Variants in IL23R observed in about 807,000 individuals in gnomAD.
IL23R encodes the protein interleukin 23 receptor.
A neutral mutation model predicts 56.9 loss-of-function variants in IL23R; 34 were observed. That is an observed-to-expected ratio of 0.60 (90% CI 0.45 to 0.80). The LOEUF is 0.80. Ranked by LOEUF, IL23R falls within the 30% of genes least tolerant of loss-of-function variation. The pLI is 0.00. For synonymous variants in IL23R, 230 were observed against 249.2 expected (o/e 0.92, Z 0.73); for missense variants, 635 against 730.0 (o/e 0.87, Z 1.50).
At chr1:67,234,223 G>A (rs931922978) in intron 7 of IL23R, among the ~76,000 whole-genome samples, 3 of 152,202 alleles carry the variant, frequency 2.0e-5, no homozygotes, top group African/African-American at 7.2e-5. Flanking sequence ...ACATAGCTTT[G>A]TTTCAGTCCT....
chr1:67,264,006 C>T (rs1351596577), downstream of IL23R, among the ~76,000 whole-genome samples: 3 of 152,212 alleles, frequency 2.0e-5, no homozygotes, highest in Non-Finnish European at 4.4e-5. Flanking sequence ...TCTGAAGCAA[C>T]ATGAAAAGCT....
chr1:67,176,867 T>G (rs151276759), intron 3 of IL23R, among the ~76,000 whole-genome samples: 1 of 152,194 alleles, frequency 6.6e-6, no homozygotes, highest in East Asian at 1.9e-4. Context: ...TTCCCACCTA[T>G]GAGTGAGAAC....
chr1:67,142,622 A>G (rs1646648189), intron 1 of IL23R, among the ~76,000 whole-genome samples: 1 of 152,102 alleles, frequency 6.6e-6, no homozygotes, highest in Non-Finnish European at 1.5e-5. Flanking sequence ...CTGGAGTGCA[A>G]TGGTATGATC....
At chr1:67,218,209 A>T (rs1288718283) in intron 6 of IL23R, among the ~76,000 whole-genome samples, 1 of 151,784 alleles carries the variant, frequency 6.6e-6, no homozygotes, top group Non-Finnish European at 1.5e-5. Flanking sequence ...TATTTTCTTT[A>T]TCCTCCATTG....
At chr1:67,166,889 C>T (rs760668135) in intron 1 of IL23R, among the ~76,000 whole-genome samples, 8 of 152,008 alleles carry the variant, frequency 5.3e-5, no homozygotes, top group Non-Finnish European at 8.8e-5. Context: ...TATGATGAGC[C>T]ATGCATTGCG....
At chr1:67,229,621 C>G (rs984047628) in intron 7 of IL23R, among the ~76,000 whole-genome samples, 2 of 152,188 alleles carry the variant, frequency 1.3e-5, no homozygotes, top group African/African-American at 2.4e-5. Flanking sequence ...TCTGAACAAC[C>G]CCCATCCTGA....
Position 67,182,965 on chromosome 1 carries a change from T to A in IL23R, c.491+6T>A, listed in dbSNP as rs1647173832. On this transcript the variant is annotated splice_donor_region_variant and intron_variant, in intron 4 of 10. Coordinates refer to ENST00000347310, the MANE Select transcript of IL23R (RefSeq NM_144701.3). Reference sequence around the variant, plus strand: ...TACGTGGTACATGTGAAGAGGTAGGTCACTTCCTCACGGCTTCATATAAGC... The same window carrying A: ...TACGTGGTACATGTGAAGAGGTAGGACACTTCCTCACGGCTTCATATAAGC... The A allele has an allele frequency of 6.2e-7, 1 of 1,613,658 alleles. No individual in the cohort carries two copies. Among genetic ancestry groups the A allele is most frequent in the South Asian group, 1.1e-5 (1 of 91,084 alleles).
intron 9 of IL23R, among the ~76,000 whole-genome samples, chr1:67,246,143 G>T (rs2100350326): frequency 6.6e-6 from 1 of 152,294 alleles, no homozygotes; most frequent in South Asian, 2.1e-4. Context: ...ATTTCTGTGG[G>T]ATTGGTGGTG....
intron 9 of IL23R, among the ~76,000 whole-genome samples, chr1:67,252,062 T>C (rs1308517219): frequency 6.6e-6 from 1 of 152,150 alleles, no homozygotes; most frequent in Non-Finnish European, 1.5e-5. Context: ...ATTTGGAATG[T>C]TCCATTGTAA....
At chr1:67,201,318 G>T (rs766735372) in intron 5 of IL23R, among the ~76,000 whole-genome samples, 34 of 151,222 alleles carry the variant, frequency 2.2e-4, no homozygotes, top group Non-Finnish European at 4.6e-4. Context: ...TGAGGCAGGA[G>T]AATTGCTTGA....
At chr1:67,260,349 T>A (rs932910076), downstream of IL23R, among the ~76,000 whole-genome samples, 1 of 152,228 alleles carries the variant, frequency 6.6e-6, no homozygotes, top group African/African-American at 2.4e-5. Context: ...CAGCAAGACG[T>A]AATTTTTTGT....
chr1:67,222,062 C>T (rs553274864), intron 7 of IL23R, among the ~76,000 whole-genome samples: 3 of 144,544 alleles, frequency 2.1e-5, no homozygotes, highest in African/African-American at 7.6e-5. Flanking sequence ...AATGAAGAAA[C>T]AACTTATTAG....
chr1:67,195,873 G>T (rs1304323721), intron 4 of IL23R, among the ~76,000 whole-genome samples: 1 of 152,158 alleles, frequency 6.6e-6, no homozygotes, highest in South Asian at 2.1e-4. Flanking sequence ...AATAGCATAA[G>T]GCTGGTTCCT....
intron 7 of IL23R, among the ~76,000 whole-genome samples, chr1:67,236,348 A>T (rs1158643479): frequency 6.6e-6 from 1 of 152,260 alleles, no homozygotes; most frequent in Non-Finnish European, 1.5e-5. Context: ...TTATTGCACC[A>T]TCAATTGCAA....
chr1:67,246,241 T>C (rs1414977380), intron 9 of IL23R, among the ~76,000 whole-genome samples: 1 of 152,206 alleles, frequency 6.6e-6, no homozygotes, highest in Admixed American at 6.5e-5. Context: ...ATCTATTTTG[T>C]TGATCTTTTC....
intron 3 of IL23R, 32 bp downstream of exon 3, chr1:67,169,670 A>G: frequency 6.3e-7 from 1 of 1,593,186 alleles, no homozygotes; most frequent in Admixed American, 1.7e-5. Flanking sequence ...AAATGCAAAC[A>G]AAAGCTAGTT....
chr1:67,236,901 A>G (rs528470227), intron 8 of IL23R, 99 bp downstream of exon 8: 1 of 776,778 alleles, frequency 1.3e-6, no homozygotes, highest in East Asian at 2.6e-5. Context: ...AAGTTTCTGG[A>G]CAATAAGATA....
At chr1:67,233,338 C>T (rs191001380) in intron 7 of IL23R, among the ~76,000 whole-genome samples, 1 of 151,864 alleles carries the variant, frequency 6.6e-6, no homozygotes, top group Admixed American at 6.6e-5. Context: ...TGCACTCCAG[C>T]CTGGGCAACA....
At chr1:67,162,547 A>G (rs1646831930), upstream of IL23R, among the ~76,000 whole-genome samples, 1 of 152,242 alleles carries the variant, frequency 6.6e-6, no homozygotes, top group Non-Finnish European at 1.5e-5. Context: ...TCCTAGATTC[A>G]GAGATCCAAA....
Sources: gnomAD v4.1 joint callset for allele counts (sites outside exome capture counted in the v4.1 genomes callset) on GRCh38, gnomAD v4.1.1 for gene constraint, MANE v1.5 for transcripts, NCBI Gene and HGNC (gene_info 2026-07-23, HGNC 2026-07-21) for gene names.